WTAP: variants seen among roughly 807,000 people sequenced by gnomAD.
WTAP encodes the protein pre-mRNA-splicing regulator WTAP.
In WTAP, 8 loss-of-function variants were observed where a neutral mutation model predicts 50.0. That is an observed-to-expected ratio of 0.16 (90% CI 0.09 to 0.29). The LOEUF is 0.29. WTAP is among the 10% of genes least tolerant of loss of function. The pLI, the probability that WTAP is intolerant of heterozygous loss-of-function variation, is 1.00. For synonymous variants in WTAP, 194 were observed against 169.0 expected (o/e 1.15, Z -1.15); for missense variants, 295 against 470.7 (o/e 0.63, Z 3.45).
Position 159,738,705 on chromosome 6 carries a change from C to T in WTAP, c.31-285C>T, listed in dbSNP as rs1255236859. Among the ~76,000 whole-genome samples the T allele has an allele frequency of 2.0e-5, 3 of 152,256 alleles. No individual in the cohort carries two copies. In the East Asian group the frequency reaches 5.8e-4, roughly 29 times the overall value. Reference sequence around the variant, plus strand: ...AAACTTCAGTTTCTCTGAATCCTCACCAGCGTTTGGTGTTGCCACTAATTT... The same window carrying T: ...AAACTTCAGTTTCTCTGAATCCTCATCAGCGTTTGGTGTTGCCACTAATTT... On this transcript the variant is annotated intron_variant, in intron 2 of 7. Coordinates refer to ENST00000621533, the MANE Select transcript of WTAP (RefSeq NM_001270531.2).
intron 6 of WTAP, among the ~76,000 whole-genome samples, chr6:159,751,858 T>C (rs999075029): frequency 6.6e-6 from 1 of 152,096 alleles, no homozygotes; most frequent in African/African-American, 2.4e-5. Context: ...GCTTAGGAGT[T>C]TGAGACCAGC....
chr6:159,748,226 G>T lies in WTAP; in HGVS notation c.309G>T (p.Pro103=), dbSNP rs7766006. Reference sequence around the variant, plus strand: ...AGTACCTCAAGCAAGTCCAGCAGCCGAGCGTTGCCCAACTGAGATCAACAA... The same window carrying T: ...AGTACCTCAAGCAAGTCCAGCAGCCTAGCGTTGCCCAACTGAGATCAACAA... ...QIQYLKQVQQ[P]SVAQLRSTMV... The change falls in exon 6 of 8, where the codon CCG becomes CCT. Residue 103 remains proline, a synonymous_variant. Coordinates refer to ENST00000621533, the MANE Select transcript of WTAP (RefSeq NM_001270531.2). The surrounding 1 kb of genome is among the most constrained non-coding windows in gnomAD (Gnocchi z 5.6). 0.2 allele frequency: 322,389 copies of T among 1,613,474 alleles called. 33,620 individuals are homozygous for T. Among genetic ancestry groups the T allele is most frequent in the East Asian group, 0.38 (17,219 of 44,840 alleles).
At position 159,755,937 on chromosome 6, in the gene WTAP, G is replaced by T. The variant is rs899598617; in HGVS notation, c.*326G>T. 13 of 245,700 alleles carry T rather than the reference G, an allele frequency of 5.3e-5. No homozygotes were observed. Among genetic ancestry groups the T allele is most frequent in the Non-Finnish European group, 4.6e-5 (6 of 130,870 alleles). 15.2% of individuals were successfully genotyped at this position (245,700 alleles called of 1,614,324 possible). ...ATTTTTCCTTAAAATACAACACAAT[G>T]ATGTCTGTATAAATCTGTCTGTTTA... On this transcript the variant is annotated 3_prime_UTR_variant, in exon 8 of 8. Coordinates refer to ENST00000621533, the MANE Select transcript of WTAP (RefSeq NM_001270531.2).
At chr6:159,750,020 A>G (rs553840731) in intron 6 of WTAP, among the ~76,000 whole-genome samples, 2 of 152,300 alleles carry the variant, frequency 1.3e-5, no homozygotes, top group South Asian at 2.1e-4. Flanking sequence ...TGTAAGTATC[A>G]TATGTTTGTG....
chr6:159,750,106 T>G (rs1469628199), intron 6 of WTAP, among the ~76,000 whole-genome samples: 2 of 152,206 alleles, frequency 1.3e-5, no homozygotes, highest in Admixed American at 6.5e-5. Context: ...GAAATCTGCT[T>G]CTAAAATTCT....
chr6:159,742,247 G>A (rs1284760657), intron 4 of WTAP, 101 bp downstream of exon 4: 31 of 1,043,532 alleles, frequency 3.0e-5, no homozygotes, highest in Non-Finnish European at 3.6e-5. Context: ...AATTTTTCTC[G>A]TGTTTTATTA....
upstream of WTAP, chr6:159,727,240 T>C (rs1207380793): frequency 2.3e-6 from 3 of 1,282,218 alleles, no homozygotes; most frequent in Non-Finnish European, 3.0e-6. Context: ...CCGATCGGGC[T>C]AGGCCGACGG....
intron 3 of WTAP, among the ~76,000 whole-genome samples, chr6:159,739,294 C>G (rs1215009215): frequency 6.6e-6 from 1 of 152,018 alleles, no homozygotes; most frequent in East Asian, 1.9e-4. Context: ...TTTTTCCTTT[C>G]GTGTTTAACA....
chr6:159,732,586 A>G (rs904692571), intron 1 of WTAP, among the ~76,000 whole-genome samples: 12 of 152,160 alleles, frequency 7.9e-5, no homozygotes, highest in African/African-American at 2.9e-4. Flanking sequence ...TGTAATCCCA[A>G]CACTTTGGGA....
At chr6:159,733,075 T>C (rs888273418) in intron 1 of WTAP, among the ~76,000 whole-genome samples, 2 of 152,098 alleles carry the variant, frequency 1.3e-5, no homozygotes, top group Non-Finnish European at 2.9e-5. Flanking sequence ...CTGAGATGAT[T>C]AAAATGACTG....
In WTAP at chr6:159,748,292, A is replaced by G; in HGVS notation, c.375A>G (p.Lys125=). Residue 125 remains lysine (K), a synonymous_variant, in exon 6 of 8, where the codon AAA becomes AAG. Transcript: ENST00000621533. This position sits in a 1 kb window ranked among gnomAD's most constrained non-coding sequence, Gnocchi z 5.6. ...TCAACTTGTTTTTCCTAAAAATGAAAGGTGAACTGGAACAGACTAAAGACA... is the reference window on the plus strand; with the variant it reads ...TCAACTTGTTTTTCCTAAAAATGAAGGGTGAACTGGAACAGACTAAAGACA... ...PAINLFFLKM[K]GELEQTKDKL... is the part of the protein sequence containing the mutation. The G allele has an allele frequency of 6.2e-7, 1 of 1,614,138 alleles. No homozygotes were observed. The highest frequency in any genetic ancestry group is 8.5e-7 in the Non-Finnish European group (1 of 1,179,982).
Position 159,755,284 on chromosome 6 carries a change from T to C in WTAP, c.864T>C (p.Ser288=). The stretch of plus-strand genomic sequence containing the variant: ...GTAGCTCCTCCCGCCAGAGGACGTC[T>C]GGGTCTGGATTTCACAGGGAGGGCA... ...SNGSSSRQRT[S]GSGFHREGNT... is the part of the protein sequence containing the mutation. Residue 288 remains serine, a synonymous_variant, in exon 8 of 8, where the codon TCT becomes TCC. Coordinates refer to ENST00000621533, the MANE Select transcript of WTAP (RefSeq NM_001270531.2). The C allele has an allele frequency of 6.2e-7, 1 of 1,614,226 alleles. No individual in the cohort carries two copies. The highest frequency in any genetic ancestry group is 1.1e-5 in the South Asian group (1 of 91,086).
chr6:159,736,979 C>G (rs887482286), intron 2 of WTAP, among the ~76,000 whole-genome samples: 1 of 152,168 alleles, frequency 6.6e-6, no homozygotes, highest in Non-Finnish European at 1.5e-5. Flanking sequence ...TCAGATTACT[C>G]ATTAAATGAA....
At chr6:159,726,706 A>T, upstream of WTAP, 2 of 1,211,090 alleles carry the variant, frequency 1.7e-6, no homozygotes, top group Non-Finnish European at 2.1e-6. Context: ...AACGCCGCGG[A>T]CACAGCGCAA....
chr6:159,726,769 G>A (rs1778188061), upstream of WTAP: 6 of 1,288,798 alleles, frequency 4.7e-6, no homozygotes, highest in Admixed American at 2.3e-5. Context: ...AGATGTCAAG[G>A]AGGAACGAAC....
chr6:159,727,117 C>G, upstream of WTAP: 1 of 1,194,196 alleles, frequency 8.4e-7, no homozygotes, highest in Non-Finnish European at 1.1e-6. Context: ...TCCCCTCGGC[C>G]GCTTCCCTTA....
chr6:159,751,974 A>G (rs1333446461), intron 6 of WTAP, among the ~76,000 whole-genome samples: 1 of 151,646 alleles, frequency 6.6e-6, no homozygotes, highest in Non-Finnish European at 1.5e-5. Flanking sequence ...AGGTGGGAGG[A>G]TCACCTGAGC....
chr6:159,739,803 T>G (rs1353377142), intron 3 of WTAP, among the ~76,000 whole-genome samples: 1 of 148,670 alleles, frequency 6.7e-6, no homozygotes, highest in Non-Finnish European at 1.5e-5. Flanking sequence ...ACAGCTACTG[T>G]ATTATGAACA....
upstream of WTAP, chr6:159,726,903 T>A: frequency 7.8e-7 from 1 of 1,288,924 alleles, no homozygotes; most frequent in Non-Finnish European, 1.0e-6. Context: ...CCACGGCCTC[T>A]CTCTTGAGGT....
Sources: gnomAD v4.1 joint callset for allele counts (sites outside exome capture counted in the v4.1 genomes callset) on GRCh38, gnomAD v4.1.1 for gene constraint, Gnocchi (gnomAD v3.1) non-coding constraint, MANE v1.5 for transcripts, NCBI Gene and HGNC (gene_info 2026-07-23, HGNC 2026-07-21) for gene names.